CFAP47: variants seen among roughly 807,000 people sequenced by gnomAD.
CFAP47 encodes the protein cilia- and flagella-associated protein 47.
In CFAP47, 29 loss-of-function variants were observed where a neutral mutation model predicts 148.1. The ratio of observed to expected loss-of-function variants is 0.20; its 90% CI spans 0.15 to 0.27. The LOEUF is 0.27. Ranked by LOEUF, CFAP47 falls within the 10% of genes least tolerant of loss-of-function variation. CFAP47 has a pLI of 1.00. For synonymous variants in CFAP47, 664 were observed against 577.3 expected (o/e 1.15, Z -2.15); for missense variants, 1,872 against 1,697.5 (o/e 1.10, Z -1.81).
At chrX:36,115,719 T>TTA (rs1938629010) in intron 33 of CFAP47, among the ~76,000 whole-genome samples, 2 of 111,743 alleles carry the variant, frequency 1.8e-5, no homozygotes, top group African/African-American at 6.5e-5. Flanking sequence ...AACTGTGGAT[T>TTA]TATATATGAA....
chrX:36,220,264 T>G (rs1602052767), intron 45 of CFAP47, among the ~76,000 whole-genome samples: 1 of 111,273 alleles, frequency 9.0e-6, no homozygotes, highest in Non-Finnish European at 1.9e-5. Flanking sequence ...TGTTTAGACT[T>G]GGGTCCTATC....
chrX:36,062,408 C>T (rs1465768414), intron 26 of CFAP47, among the ~76,000 whole-genome samples: 4 of 111,217 alleles, frequency 3.6e-5, no homozygotes, highest in African/African-American at 9.8e-5. Context: ...GCTCAGACAA[C>T]CATAAAATCT....
chrX:36,252,113 T>C (rs1422073396), intron 49 of CFAP47, among the ~76,000 whole-genome samples: 1 of 110,995 alleles, frequency 9.0e-6, no homozygotes, highest in African/African-American at 3.3e-5. Context: ...AGTTGGATAC[T>C]GTTGAGGAAA....
At chrX:36,090,725 A>G (rs998753632) in intron 30 of CFAP47, among the ~76,000 whole-genome samples, 2 of 111,743 alleles carry the variant, frequency 1.8e-5, no homozygotes, top group African/African-American at 6.5e-5. Context: ...AAATATATGT[A>G]TTCAAATACA....
chrX:36,240,904 C>T (rs1401909215), intron 48 of CFAP47, among the ~76,000 whole-genome samples: 3 of 111,090 alleles, frequency 2.7e-5, no homozygotes, highest in African/African-American at 6.6e-5. Flanking sequence ...GGGGACAATA[C>T]GGCCAAATAG....
chrX:35,949,383 T>A lies in CFAP47; in HGVS notation c.656+931T>A, dbSNP rs747891465. 5.4e-5 allele frequency among the ~76,000 whole-genome samples: 6 copies of A among 110,656 alleles called. No individual in the cohort carries two copies. In the South Asian group the frequency reaches 2.3e-3, roughly 43 times the overall value. On this transcript the variant is annotated intron_variant, in intron 4 of 63. Transcript: ENST00000378653. Reference sequence around the variant, plus strand: ...TGCAAAACAGACCAGGGAGTACAAATGTGGAGTGAGAATCTTGACTAGAAA... The same window carrying A: ...TGCAAAACAGACCAGGGAGTACAAAAGTGGAGTGAGAATCTTGACTAGAAA...
intron 49 of CFAP47, among the ~76,000 whole-genome samples, chrX:36,270,698 A>G (rs936406172): frequency 9.5e-6 from 1 of 105,069 alleles, no homozygotes; most frequent in Non-Finnish European, 1.9e-5. Flanking sequence ...CCTTTATCAG[A>G]TACATATTTT....
chrX:36,184,566 A>G (rs1351637328), intron 40 of CFAP47, among the ~76,000 whole-genome samples: 1 of 111,796 alleles, frequency 8.9e-6, no homozygotes, highest in Non-Finnish European at 1.9e-5. Context: ...TTGGTTCAGA[A>G]TTGCAACCAA....
intron 33 of CFAP47, among the ~76,000 whole-genome samples, chrX:36,117,460 G>A (rs1938661425): frequency 8.9e-6 from 1 of 112,064 alleles, no homozygotes; most frequent in African/African-American, 3.2e-5. Context: ...ACTGGGGTGA[G>A]ATGATGTCTC....
intron 45 of CFAP47, among the ~76,000 whole-genome samples, chrX:36,218,487 G>A (rs782693871): frequency 8.9e-6 from 1 of 111,764 alleles, no homozygotes; most frequent in East Asian, 2.8e-4. Flanking sequence ...ACAACTGTAG[G>A]GGATTATCTG....
At chrX:36,082,327 T>C (rs955113878) in intron 29 of CFAP47, among the ~76,000 whole-genome samples, 1 of 111,459 alleles carries the variant, frequency 9.0e-6, no homozygotes, top group African/African-American at 3.3e-5. Context: ...TAGAAGCCCT[T>C]AGGTATTATT....
chrX:36,309,076 T>C (rs1208492492), intron 55 of CFAP47, among the ~76,000 whole-genome samples: 4 of 111,268 alleles, frequency 3.6e-5, no homozygotes, highest in East Asian at 2.8e-4. Flanking sequence ...AAGCAGCAAA[T>C]GTGGTAAATT....
At chrX:36,295,804 G>A (rs1173589614) in intron 51 of CFAP47, among the ~76,000 whole-genome samples, 1 of 111,658 alleles carries the variant, frequency 9.0e-6, no homozygotes, top group Non-Finnish European at 1.9e-5. Context: ...TTTAAACCTA[G>A]AAGAAAATAA....
intron 22 of CFAP47, among the ~76,000 whole-genome samples, chrX:36,017,401 G>A (rs766631754): frequency 2.7e-5 from 3 of 111,961 alleles, no homozygotes; most frequent in African/African-American, 6.5e-5. Flanking sequence ...ATGTGATATC[G>A]TTTGTCCAGT....
intron 48 of CFAP47, among the ~76,000 whole-genome samples, chrX:36,249,569 A>C (rs1940665871): frequency 1.8e-5 from 2 of 111,150 alleles, no homozygotes; most frequent in Admixed American, 1.9e-4. Context: ...TTAATAGTGG[A>C]TTTTACTCAC....
intron 22 of CFAP47, among the ~76,000 whole-genome samples, chrX:36,026,566 A>G (rs1375298266): frequency 9.0e-6 from 1 of 111,319 alleles, no homozygotes; most frequent in Admixed American, 9.6e-5. Flanking sequence ...AAAGAATGCC[A>G]TTTTTGTTTG....
At chrX:36,016,981 G>A (rs1601932731) in intron 22 of CFAP47, among the ~76,000 whole-genome samples, 1 of 110,773 alleles carries the variant, frequency 9.0e-6, no homozygotes, top group Non-Finnish European at 1.9e-5. Context: ...TCTGAGAAAT[G>A]TCTATTCTTT....
chrX:36,228,423 T>C (rs782647969), intron 45 of CFAP47, among the ~76,000 whole-genome samples: 39 of 110,962 alleles, frequency 3.5e-4, no homozygotes, highest in Non-Finnish European at 6.4e-4. Context: ...CACACTGTTC[T>C]CTGACCAGTG....
intron 33 of CFAP47, among the ~76,000 whole-genome samples, chrX:36,129,509 A>ATAACT (rs1351887148): frequency 3.3e-4 from 37 of 111,305 alleles, no homozygotes; most frequent in Non-Finnish European, 6.5e-4. Flanking sequence ...TTTAGAGTTC[A>ATAACT]CATATCTTCA....
Sources: gnomAD v4.1 joint callset for allele counts (sites outside exome capture counted in the v4.1 genomes callset) on GRCh38, gnomAD v4.1.1 for gene constraint, MANE v1.5 for transcripts, NCBI Gene and HGNC (gene_info 2026-07-23, HGNC 2026-07-21) for gene names.